DLGAP2: variants seen among roughly 807,000 people sequenced by gnomAD.
DLGAP2 encodes the protein DLG associated protein 2.
DLGAP2 carries 26 observed loss-of-function variants against 100.3 expected under a neutral mutation model. The ratio of observed to expected loss-of-function variants is 0.26; its 90% CI spans 0.19 to 0.36. The LOEUF (loss-of-function observed/expected upper bound fraction) is 0.36. DLGAP2 is among the 10% of genes least tolerant of loss of function. The pLI is 1.00. For synonymous variants in DLGAP2, 886 were observed against 630.1 expected, an observed-to-expected ratio of 1.41 and a Z score of -6.08; for missense variants, 1,858 against 1,453.2, an observed-to-expected ratio of 1.28 and a Z score of -4.53.
intron 4 of DLGAP2, 47 bp from the exon 5 acceptor site, chr8:1,548,579 T>G (rs1464426116): frequency 7.0e-7 from 1 of 1,434,448 alleles, no homozygotes; most frequent in South Asian, 1.4e-5. Flanking sequence ...ACCTGAGGGT[T>G]TCCGCCGCGC....
intron 2 of DLGAP2, among the ~76,000 whole-genome samples, chr8:1,237,367 G>T (rs7465031): frequency 1.6e-5 from 1 of 61,196 alleles, no homozygotes; most frequent in Non-Finnish European, 2.9e-5. Flanking sequence ...CTCACATGGC[G>T]CCGTGTCTGT....
chr8:1,589,316 G>C (rs1211417759), intron 6 of DLGAP2, among the ~76,000 whole-genome samples: 2 of 152,328 alleles, frequency 1.3e-5, no homozygotes, highest in Admixed American at 6.5e-5. Flanking sequence ...AGTTACCATA[G>C]TAATAAATTT....
intron 1 of DLGAP2, among the ~76,000 whole-genome samples, chr8:769,303 C>G (rs1821296652): frequency 6.6e-6 from 1 of 151,932 alleles, no homozygotes; most frequent in South Asian, 2.1e-4. Context: ...CTTGAGTTTC[C>G]ACTTGGATAT....
chr8:1,453,142 G>C (rs533337243), intron 3 of DLGAP2, among the ~76,000 whole-genome samples: 1 of 151,732 alleles, frequency 6.6e-6, no homozygotes, highest in Non-Finnish European at 1.5e-5. Context: ...GGGGAACGTC[G>C]CAGGTATTGG....
At chr8:1,377,729 C>G (rs1259788976) in intron 3 of DLGAP2, 1 of 152,108 alleles carries the variant, frequency 6.6e-6, no homozygotes, top group Non-Finnish European at 1.5e-5. Context: ...CCTCCCAATA[C>G]CATATAATAT....
intron 13 of DLGAP2, among the ~76,000 whole-genome samples, chr8:1,696,560 G>C (rs1238509138): frequency 6.6e-6 from 1 of 152,224 alleles, no homozygotes; most frequent in Non-Finnish European, 1.5e-5. Flanking sequence ...GCACTGGGCA[G>C]AGAAACCAAG....
chr8:826,419 C>T (rs139230248), intron 1 of DLGAP2, among the ~76,000 whole-genome samples: 2 of 152,272 alleles, frequency 1.3e-5, no homozygotes, highest in African/African-American at 4.8e-5. Flanking sequence ...TCCTTTCATT[C>T]ACTTTGGTTT....
At chr8:1,318,706 A>C (rs933733476) in intron 3 of DLGAP2, among the ~76,000 whole-genome samples, 2 of 151,688 alleles carry the variant, frequency 1.3e-5, no homozygotes, top group African/African-American at 4.8e-5. Flanking sequence ...CAAAATGAAA[A>C]TTGAGTGGTT....
chr8:1,042,107 C>A (rs981055664), intron 2 of DLGAP2, among the ~76,000 whole-genome samples: 1 of 152,188 alleles, frequency 6.6e-6, no homozygotes, highest in African/African-American at 2.4e-5. Flanking sequence ...CACAGACAGG[C>A]AGGAGAGCCC....
At chr8:1,303,402 C>CAAAAAA (rs374350701) in intron 3 of DLGAP2, among the ~76,000 whole-genome samples, 211 of 125,180 alleles carry the variant, frequency 1.7e-3, no homozygotes, top group Middle Eastern at 5.6e-3. Flanking sequence ...GTCTCAAAAA[C>CAAAAAA]AAAAAAAAAA....
intron 3 of DLGAP2, 41 bp from the exon 4 acceptor site, chr8:1,501,325 C>A: frequency 6.5e-7 from 1 of 1,534,242 alleles, no homozygotes; most frequent in Non-Finnish European, 8.7e-7. Flanking sequence ...CAGTCTACAC[C>A]AGAAACGCAT....
At chr8:1,179,783 T>C (rs1333725622) in intron 2 of DLGAP2, among the ~76,000 whole-genome samples, 1 of 152,214 alleles carries the variant, frequency 6.6e-6, no homozygotes, top group Non-Finnish European at 1.5e-5. Context: ...AACTAGAGAA[T>C]AAAAATATTT....
chr8:1,640,606 T>G (rs1344291125), intron 8 of DLGAP2, among the ~76,000 whole-genome samples: 1 of 152,044 alleles, frequency 6.6e-6, no homozygotes, highest in African/African-American at 2.4e-5. Flanking sequence ...AGCTCCATGT[T>G]GCAAACTAAA....
intron 2 of DLGAP2, among the ~76,000 whole-genome samples, chr8:1,203,154 G>C (rs1313775717): frequency 1.3e-5 from 2 of 152,134 alleles, no homozygotes; most frequent in South Asian, 2.1e-4. Context: ...TTGTTTTGAG[G>C]TCTGTTATTC....
chr8:1,315,333 A>C lies in DLGAP2; in HGVS notation c.106+56450A>C, dbSNP rs552882566. Among the ~76,000 whole-genome samples the C allele has an allele frequency of 2.0e-4, 30 of 147,550 alleles. No homozygotes were observed. The South Asian group carries it at 3.9e-3, about 19-fold the overall frequency. Reference sequence around the variant, plus strand: ...CTCCAACATTGGTCTACACTCGAGAAACTCGGCAGCGTTTAAAAATAGAGC... The same window carrying C: ...CTCCAACATTGGTCTACACTCGAGACACTCGGCAGCGTTTAAAAATAGAGC... On this transcript the variant is annotated intron_variant, in intron 3 of 14. Transcript: ENST00000637795.
chr8:1,552,900 C>G (rs1348095760), intron 5 of DLGAP2, among the ~76,000 whole-genome samples: 1 of 152,230 alleles, frequency 6.6e-6, no homozygotes, highest in Non-Finnish European at 1.5e-5. Context: ...TCACGTTATT[C>G]TTTCACAAAG....
At chr8:1,633,150 C>G (rs756628620) in intron 8 of DLGAP2, 104 bp downstream of exon 8, 5 of 1,072,538 alleles carry the variant, frequency 4.7e-6, no homozygotes, top group South Asian at 1.5e-5. Flanking sequence ...ACAATGTACT[C>G]TCCTGACATC....
chr8:1,691,416 G>T (rs2130876885), intron 12 of DLGAP2, 119 bp from the exon 13 acceptor site: 1 of 802,718 alleles, frequency 1.2e-6, no homozygotes, highest in East Asian at 2.7e-5. Context: ...TCGGCACGAT[G>T]AAGTCGTCAG....
chr8:1,487,810 G>A (rs530500762), intron 3 of DLGAP2, among the ~76,000 whole-genome samples: 41 of 152,256 alleles, frequency 2.7e-4, no homozygotes, highest in African/African-American at 9.9e-4. Context: ...ACGAGTAGTC[G>A]GTGAAGCTTC....
Sources: gnomAD v4.1 joint callset for allele counts (sites outside exome capture counted in the v4.1 genomes callset) on GRCh38, gnomAD v4.1.1 for gene constraint, MANE v1.5 for transcripts, NCBI Gene and HGNC (gene_info 2026-07-23, HGNC 2026-07-21) for gene names.